Variants in GNAL observed in about 807,000 individuals in gnomAD.
The protein encoded by GNAL is G protein subunit alpha L.
In GNAL, 18 loss-of-function variants were observed where a neutral mutation model predicts 55.1. The observed-to-expected ratio is 0.33, with a 90% CI of 0.23 to 0.48. GNAL has a LOEUF of 0.48. Among genes scored for constraint, GNAL ranks in the 20% least tolerant of loss-of-function variants. The pLI, the probability that GNAL is intolerant of heterozygous loss-of-function variation, is 0.99. For synonymous variants in GNAL, 253 were observed against 237.0 expected (o/e 1.07, Z -0.62); for missense variants, 412 against 614.1 (o/e 0.67, Z 3.48).
chr18:11,762,947 T>C (rs2033290735), intron 4 of GNAL, among the ~76,000 whole-genome samples: 1 of 152,228 alleles, frequency 6.6e-6, no homozygotes, highest in African/African-American at 2.4e-5. Context: ...AGAATAAGTA[T>C]TGTATTATTC....
intron 1 of GNAL, among the ~76,000 whole-genome samples, chr18:11,718,378 C>A (rs1339802916): frequency 6.6e-6 from 1 of 152,050 alleles, no homozygotes; most frequent in Non-Finnish European, 1.5e-5. Context: ...AGCCATAATG[C>A]AAGTGTGCTA....
chr18:11,737,962 G>T (rs2143466331), intron 1 of GNAL, among the ~76,000 whole-genome samples: 1 of 152,306 alleles, frequency 6.6e-6, no homozygotes, highest in Admixed American at 6.5e-5. Context: ...GAGGCTGTCT[G>T]CAGAGCCAGC....
At chr18:11,746,895 A>C (rs1484950563) in intron 1 of GNAL, 1 of 539,774 alleles carries the variant, frequency 1.9e-6, no homozygotes, top group Non-Finnish European at 3.8e-6. Context: ...CAGGCTCTGG[A>C]TGAAGTCATA....
intron 1 of GNAL, among the ~76,000 whole-genome samples, chr18:11,713,427 G>A (rs900134323): frequency 2.0e-5 from 3 of 152,214 alleles, no homozygotes; most frequent in Non-Finnish European, 4.4e-5. Context: ...TCCTAAGTAG[G>A]AGCAAAAATT....
chr18:11,868,566 G>T lies in GNAL; in HGVS notation c.934G>T (p.Ala312Ser). The change falls in exon 9 of 12, where the codon GCA becomes TCA. Residue 312 changes from alanine to serine, a missense_variant. Physicochemically the swap from Ala to Ser is moderately conservative, Grantham distance 99. Coordinates refer to ENST00000334049, the MANE Select transcript of GNAL (RefSeq NM_182978.4). This position sits in a 1 kb window ranked among gnomAD's most constrained non-coding sequence, Gnocchi z 4.0. ...AGATGTCACAGCTATCATTTACGTC[G>T]CAGCCTGCAGTAGCTACAACATGGT... ...FNDVTAIIYV[A>S]ACSSYNMVIR... is the part of the protein sequence containing the mutation. The T allele has an allele frequency of 1.2e-6, 2 of 1,608,644 alleles. No homozygotes were observed. The highest frequency in any genetic ancestry group is 1.7e-4 in the Middle Eastern group (1 of 6,046).
At chr18:11,819,205 C>T (rs763273967) in intron 4 of GNAL, among the ~76,000 whole-genome samples, 8 of 152,200 alleles carry the variant, frequency 5.3e-5, no homozygotes, top group African/African-American at 7.2e-5. Context: ...TTATTGTCAT[C>T]TGTTTGTTTG....
chr18:11,691,759 A>C lies in GNAL; in HGVS notation c.376+1820A>C, dbSNP rs541570737. Among the ~76,000 whole-genome samples, 3 of 152,280 alleles carry C rather than the reference A, an allele frequency of 2.0e-5. No individual in the cohort carries two copies. In the East Asian group the frequency reaches 5.8e-4, roughly 29 times the overall value. On this transcript the variant is annotated intron_variant, in intron 1 of 11. Coordinates refer to ENST00000334049, the MANE Select transcript of GNAL (RefSeq NM_182978.4). ...TTGTTTTTCTCAGGTTTCTCAAAGC[A>C]CTTGCATTTTACTTTGGAAGCTCAA...
chr18:11,835,492 T>G (rs1033217358), intron 5 of GNAL, among the ~76,000 whole-genome samples: 1 of 151,870 alleles, frequency 6.6e-6, no homozygotes, highest in African/African-American at 2.4e-5. Flanking sequence ...AAAAGTACAG[T>G]AAAACGAAAA....
intron 1 of GNAL, among the ~76,000 whole-genome samples, chr18:11,742,535 A>G (rs1338962343): frequency 6.6e-6 from 1 of 152,208 alleles, no homozygotes; most frequent in Non-Finnish European, 1.5e-5. Flanking sequence ...CACCCAGCGG[A>G]GGGGCTGCCT....
rs372020166 is a variant in GNAL, at chr18:11,872,343, A to G, written c.1107A>G (p.Lys369=). The change falls in exon 10 of 12, where the codon AAA becomes AAG. Residue 369 remains lysine (K), a synonymous_variant. Transcript: ENST00000334049. ...DMLAEKVLAG[K]SKIEDYFPEY... ...TGGCAGAAAAAGTCTTGGCAGGGAA[A>G]TCAAAAATTGAAGACTATTTCCCAG... 12 of 1,573,976 alleles carry G rather than the reference A, an allele frequency of 7.6e-6. No homozygotes were observed. The African/African-American group carries it at 1.5e-4, about 20-fold the overall frequency.
At chr18:11,721,893 T>A (rs1263965030) in intron 1 of GNAL, among the ~76,000 whole-genome samples, 18 of 57,268 alleles carry the variant, frequency 3.1e-4, no homozygotes, top group Admixed American at 8.0e-4. Context: ...TCTCAAAAAA[T>A]AAATAAATAA....
chr18:11,730,268 T>TTCTGCC (rs2032308545), intron 1 of GNAL, among the ~76,000 whole-genome samples: 1 of 151,780 alleles, frequency 6.6e-6, no homozygotes, highest in Admixed American at 6.6e-5. Flanking sequence ...CAAGCGATTC[T>TTCTGCC]TCTGCCTCAG....
In GNAL at chr18:11,752,798, G is replaced by C. The variant is rs183312390; in HGVS notation, c.377-55G>C. 10 of 1,296,002 alleles carry C rather than the reference G, an allele frequency of 7.7e-6. No homozygotes were observed. In the African/African-American group the frequency reaches 1.5e-4, roughly 19 times the overall value. 80.3% of individuals were successfully genotyped at this position (1,296,002 alleles called of 1,614,324 possible). A position where few individuals can be genotyped will look rare whatever the true frequency, so the allele number is the denominator to read the frequency against. ...ATTGCTCAGACCCGGCTAGTGGTGA[G>C]AGATGGCAGCGATATCCGGACACAG... On this transcript the variant is annotated intron_variant, in intron 1 of 11. Coordinates refer to ENST00000334049, the MANE Select transcript of GNAL (RefSeq NM_182978.4). This position sits in a 1 kb window ranked among gnomAD's most constrained non-coding sequence, Gnocchi z 4.5.
Position 11,764,522 on chromosome 18 carries a change from TTAAAA to T in GNAL, c.624+10585_624+10589del, listed in dbSNP as rs544404306. 4.3e-4 allele frequency among the ~76,000 whole-genome samples: 65 copies of T among 152,304 alleles called. 1 individual carries two copies. The South Asian group carries it at 0.013, about 31-fold the overall frequency. ...TCTTTTGACTTTCTAAATACCATGATTAAAATAAAATAGGTGGCCTATGCCTGTAA... is the reference window on the plus strand; with the variant it reads ...TCTTTTGACTTTCTAAATACCATGATTAAAATAGGTGGCCTATGCCTGTAA... On this transcript the variant is annotated intron_variant, in intron 4 of 11. Coordinates refer to ENST00000334049, the MANE Select transcript of GNAL (RefSeq NM_182978.4).
intron 4 of GNAL, among the ~76,000 whole-genome samples, chr18:11,814,175 A>G (rs1286165227): frequency 6.6e-6 from 1 of 152,202 alleles, no homozygotes; most frequent in Admixed American, 6.5e-5. Context: ...ATAAACTCTA[A>G]AAGAAAAAAA....
intron 5 of GNAL, chr18:11,833,386 A>G (rs2035430836): frequency 6.6e-6 from 1 of 152,220 alleles, no homozygotes; most frequent in Admixed American, 6.5e-5. Flanking sequence ...TATGAGCACT[A>G]CAATAACATT....
At chr18:11,726,435 C>G (rs1367709692) in intron 1 of GNAL, among the ~76,000 whole-genome samples, 2 of 152,236 alleles carry the variant, frequency 1.3e-5, no homozygotes, top group African/African-American at 4.8e-5. Context: ...GTGCAAATCT[C>G]TGTGCTGTGA....
intron 5 of GNAL, among the ~76,000 whole-genome samples, chr18:11,827,199 A>G (rs2035268602): frequency 1.3e-5 from 2 of 152,202 alleles, no homozygotes; most frequent in South Asian, 4.1e-4. Flanking sequence ...TAAAGCATCG[A>G]GAATGGAGCG....
intron 11 of GNAL, among the ~76,000 whole-genome samples, chr18:11,877,474 C>G (rs896992382): frequency 6.6e-6 from 1 of 152,126 alleles, no homozygotes; most frequent in African/African-American, 2.4e-5. Flanking sequence ...AAACAAAACT[C>G]CCATATAGTC....
Sources: allele counts gnomAD v4.1 joint callset (sites outside exome capture counted in the v4.1 genomes callset), GRCh38; gene constraint gnomAD v4.1.1; non-coding constraint Gnocchi (gnomAD v3.1); transcripts MANE v1.5; gene names NCBI Gene and HGNC (gene_info 2026-07-23, HGNC 2026-07-21).